Variants in RYR3 observed in about 807,000 individuals in gnomAD.
RYR3 encodes the protein brain ryanodine receptor-calcium release channel.
Under a neutral mutation model 584.3 loss-of-function variants are expected in RYR3, and 207 were observed. That is an observed-to-expected ratio of 0.35 (90% CI 0.32 to 0.40). The LOEUF (loss-of-function observed/expected upper bound fraction) is 0.40, where lower values mean the gene tolerates loss of function less well. RYR3 is among the 10% of genes least tolerant of loss of function. The pLI, the probability that RYR3 is intolerant of heterozygous loss-of-function variation, is 1.00. For synonymous variants in RYR3, 2,416 were observed against 2,248.5 expected (o/e 1.07, Z -2.11); for missense variants, 5,616 against 6,089.2 (o/e 0.92, Z 2.59).
chr15:33,496,236 C>T (rs1475573019), intron 2 of RYR3, among the ~76,000 whole-genome samples: 1 of 152,202 alleles, frequency 6.6e-6, no homozygotes, highest in Non-Finnish European at 1.5e-5. Context: ...GGAGCAAATG[C>T]AATGCATATA....
chr15:33,636,191 G>A (rs1419677211), intron 26 of RYR3, among the ~76,000 whole-genome samples, 185 bp from the exon 27 acceptor site: 1 of 152,132 alleles, frequency 6.6e-6, no homozygotes, highest in Non-Finnish European at 1.5e-5. Flanking sequence ...AGAGACTTGG[G>A]CTACCTTGTG....
At chr15:33,445,108 C>T (rs2046522517) in intron 1 of RYR3, among the ~76,000 whole-genome samples, 1 of 152,180 alleles carries the variant, frequency 6.6e-6, no homozygotes, top group Non-Finnish European at 1.5e-5. Context: ...AGATTCCATT[C>T]TTGGCCAAGG....
chr15:33,525,420 G>A (rs1372877846), intron 3 of RYR3, among the ~76,000 whole-genome samples: 1 of 152,168 alleles, frequency 6.6e-6, no homozygotes, highest in African/African-American at 2.4e-5. Context: ...TAGTTTTGTA[G>A]CAATTTGTGA....
At chr15:33,589,617 T>C (rs2059027072) in intron 16 of RYR3, among the ~76,000 whole-genome samples, 1 of 152,218 alleles carries the variant, frequency 6.6e-6, no homozygotes, top group African/African-American at 2.4e-5. Flanking sequence ...TCTTTAACTA[T>C]ATCTTGAGTT....
chr15:33,603,937 G>A (rs986170722), intron 18 of RYR3, among the ~76,000 whole-genome samples: 1 of 152,104 alleles, frequency 6.6e-6, no homozygotes, highest in Non-Finnish European at 1.5e-5. Context: ...ACGAATTCAG[G>A]GCTTCCTTTT....
At chr15:33,700,385 G>C (rs1461397321) in intron 41 of RYR3, among the ~76,000 whole-genome samples, 1 of 152,234 alleles carries the variant, frequency 6.6e-6, no homozygotes, top group Non-Finnish European at 1.5e-5. Context: ...CTTACTCACT[G>C]TTCTGGGTAT....
chr15:33,771,825 G>T, intron 62 of RYR3, 95 bp from the exon 63 acceptor site: 2 of 788,174 alleles, frequency 2.5e-6, no homozygotes, highest in Non-Finnish European at 4.3e-6. Flanking sequence ...GACAGGAGTG[G>T]CAAATGTCTG....
At chr15:33,431,418 T>C (rs577845415) in intron 1 of RYR3, among the ~76,000 whole-genome samples, 1 of 152,290 alleles carries the variant, frequency 6.6e-6, no homozygotes, top group South Asian at 2.1e-4. Flanking sequence ...TGTGTGTATA[T>C]GTATGTATAG....
At chr15:33,326,901 G>T in intron 1 of RYR3, among the ~76,000 whole-genome samples, 1 of 151,990 alleles carries the variant, frequency 6.6e-6, no homozygotes, top group East Asian at 1.9e-4. Flanking sequence ...TATGAAGGAT[G>T]CTTTTTATAT....
At chr15:33,836,337 C>T (rs1403084630) in intron 87 of RYR3, among the ~76,000 whole-genome samples, 1 of 152,030 alleles carries the variant, frequency 6.6e-6, no homozygotes, top group African/African-American at 2.4e-5. Flanking sequence ...TAGCGATGCT[C>T]TTCCTGCATT....
At chr15:33,486,253 G>T (rs192410849) in intron 2 of RYR3, among the ~76,000 whole-genome samples, 1 of 152,268 alleles carries the variant, frequency 6.6e-6, no homozygotes, top group East Asian at 1.9e-4. Flanking sequence ...GGAAATCAAG[G>T]TGTTATCAGG....
At chr15:33,778,728 C>T (rs1485202308) in intron 64 of RYR3, among the ~76,000 whole-genome samples, 1 of 152,200 alleles carries the variant, frequency 6.6e-6, no homozygotes, top group East Asian at 1.9e-4. Context: ...CTGGTTTGTC[C>T]AAGGGCCTCC....
chr15:33,644,788 C>T (rs1226063895), intron 28 of RYR3, among the ~76,000 whole-genome samples: 2 of 152,200 alleles, frequency 1.3e-5, no homozygotes, highest in Non-Finnish European at 2.9e-5. Flanking sequence ...TCTGGATGTT[C>T]CTATACTGTG....
chr15:33,587,058 G>A (rs1268238523), intron 16 of RYR3, among the ~76,000 whole-genome samples: 4 of 152,116 alleles, frequency 2.6e-5, no homozygotes, highest in South Asian at 4.1e-4. Context: ...CAGTGTGTCC[G>A]GGAGATTGAG....
rs1348101105 is a variant in RYR3 at position 33,810,562 on chromosome 15, A to T, written c.10110A>T (p.Ala3370=). Residue 3370 remains alanine (A), a synonymous_variant, in exon 71 of 104, where the codon GCA becomes GCT. Transcript: ENST00000634891. ...YSIQTSLIVA[A]LKKMLPIGLN... is the part of the protein sequence containing the mutation. ...TCCAGACCTCCCTCATCGTGGCTGC[A>T]CTCAAGAAAATGCTGCCCATTGGTT... 2 of 1,613,912 alleles carry T rather than the reference A, an allele frequency of 1.2e-6. No individual in the cohort carries two copies. Among genetic ancestry groups the T allele is most frequent in the Non-Finnish European group, 1.7e-6 (2 of 1,179,906 alleles).
chr15:33,837,798 T>C lies in RYR3; in HGVS notation c.11818T>C (p.Ser3940Pro). The change falls in exon 89 of 104, where the codon TCC becomes CCC. Residue 3940 changes from serine (S) to proline (P), a missense_variant. This residue lies in a region of RYR3 where 258 missense variants were observed against 297.3 expected (regional missense o/e 0.87). Coordinates refer to ENST00000634891, the MANE Select transcript of RYR3 (RefSeq NM_001036.6). ...TGACCCAGATGGTAAAGGAATTATC[T>C]CCAAAAAAGAATTCCAGAAGGCCAT... ...EYDPDGKGII[S>P]KKEFQKAMEG... is the part of the protein sequence containing the mutation. 6.2e-6 allele frequency: 10 copies of C among 1,613,862 alleles called. No homozygotes were observed. Among genetic ancestry groups the C allele is most frequent in the Non-Finnish European group, 7.6e-6 (9 of 1,179,854 alleles).
chr15:33,671,792 C>T (rs2063851476), intron 38 of RYR3, among the ~76,000 whole-genome samples: 1 of 148,812 alleles, frequency 6.7e-6, no homozygotes, highest in South Asian at 2.1e-4. Context: ...TGCTTCTTTC[C>T]CACCTTCTTT....
intron 23 of RYR3, among the ~76,000 whole-genome samples, chr15:33,632,451 A>G (rs1356649934): frequency 6.6e-6 from 1 of 152,272 alleles, no homozygotes; most frequent in Admixed American, 6.5e-5. Flanking sequence ...CTTTAAGTTC[A>G]AAAATACTCT....
intron 3 of RYR3, among the ~76,000 whole-genome samples, chr15:33,515,411 G>A (rs1260226930): frequency 1.3e-5 from 2 of 152,202 alleles, no homozygotes; most frequent in Non-Finnish European, 2.9e-5. Context: ...AGATTTCACT[G>A]AAAGTCAGTG....
Sources: allele counts gnomAD v4.1 joint callset (sites outside exome capture counted in the v4.1 genomes callset), GRCh38; gene constraint gnomAD v4.1.1; regional missense constraint gnomAD v4.1.1; transcripts MANE v1.5; gene names NCBI Gene and HGNC (gene_info 2026-07-23, HGNC 2026-07-21).